Variants in TSHZ3 observed in about 807,000 individuals in gnomAD.
The protein encoded by TSHZ3 is teashirt zinc finger homeobox 3.
A neutral mutation model predicts 64.5 loss-of-function variants in TSHZ3; 10 were observed. The observed-to-expected ratio is 0.16, with a 90% CI of 0.10 to 0.26. The LOEUF (loss-of-function observed/expected upper bound fraction) is 0.26, where lower values mean the gene tolerates loss of function less well. Ranked by LOEUF, TSHZ3 falls within the 10% of genes least tolerant of loss-of-function variation. The pLI is 1.00. For synonymous variants in TSHZ3, 608 were observed against 593.1 expected, an observed-to-expected ratio of 1.03 and a Z score of -0.36; for missense variants, 1,242 against 1,421.7, an observed-to-expected ratio of 0.87 and a Z score of 2.03.
rs1976301625 is a variant in TSHZ3, at chr19:31,278,713, G to A, written c.1080C>T (p.Ile360=). Residue 360 remains isoleucine, a synonymous_variant, in exon 2 of 2, where the codon ATC becomes ATT. Transcript: ENST00000240587. This position sits in a 1 kb window ranked among gnomAD's most constrained non-coding sequence, Gnocchi z 4.7. ...GGTGGCCGTACCGATTATTTGGCGTGATGTAAGGGTTGGAGTTCTTCTGAA... is the reference window on the plus strand; with the variant it reads ...GGTGGCCGTACCGATTATTTGGCGTAATGTAAGGGTTGGAGTTCTTCTGAA... The part of the protein sequence containing the change: ...DALQKNSNPY[I]TPNNRYGHQN... The A allele has an allele frequency of 1.2e-6, 2 of 1,614,034 alleles. No individual in the cohort carries two copies. The highest frequency in any genetic ancestry group is 1.7e-6 in the Non-Finnish European group (2 of 1,180,044).
chr19:31,152,840 C>G (rs1189870074), intron 6 of TSHZ3, among the ~76,000 whole-genome samples: 3 of 152,294 alleles, frequency 2.0e-5, no homozygotes, highest in African/African-American at 7.2e-5. Context: ...GGCACCATCA[C>G]CAGACCCATG....
intron 5 of TSHZ3, among the ~76,000 whole-genome samples, chr19:31,193,910 C>T (rs953318031): frequency 6.6e-6 from 1 of 152,100 alleles, no homozygotes; most frequent in Non-Finnish European, 1.5e-5. Flanking sequence ...TTTTCTGGTT[C>T]AATGAGGAGC....
intron 1 of TSHZ3, among the ~76,000 whole-genome samples, chr19:31,261,130 G>A (rs1409114604): frequency 3.9e-5 from 6 of 152,284 alleles, no homozygotes; most frequent in Middle Eastern, 3.4e-3. Flanking sequence ...TACAATGGGT[G>A]CTCAGGGTGC....
chr19:31,220,644 G>A (rs1296826134), intron 4 of TSHZ3, among the ~76,000 whole-genome samples: 2 of 152,060 alleles, frequency 1.3e-5, no homozygotes, highest in Non-Finnish European at 2.9e-5. Context: ...GAGCCTTGGC[G>A]CCCTTTCTAT....
At chr19:31,339,402 C>T (rs1000044791) in intron 1 of TSHZ3, among the ~76,000 whole-genome samples, 1 of 152,052 alleles carries the variant, frequency 6.6e-6, no homozygotes, top group Admixed American at 6.5e-5. Context: ...GAAGCAGGCT[C>T]TACCCCCTTC....
At chr19:31,184,413 T>C (rs904726468) in intron 5 of TSHZ3, among the ~76,000 whole-genome samples, 1 of 152,134 alleles carries the variant, frequency 6.6e-6, no homozygotes, top group African/African-American at 2.4e-5. Context: ...GAAACATTTA[T>C]GGAGAGAGGC....
intron 1 of TSHZ3, among the ~76,000 whole-genome samples, chr19:31,255,661 G>A (rs560434140): frequency 4.6e-5 from 7 of 152,222 alleles, no homozygotes; most frequent in Admixed American, 1.3e-4. Context: ...CAAGCACCCC[G>A]GGGTTTCTGG....
At chr19:31,156,498 T>C (rs575706495) in intron 5 of TSHZ3, among the ~76,000 whole-genome samples, 40 of 152,340 alleles carry the variant, frequency 2.6e-4, no homozygotes, top group African/African-American at 9.6e-4. Flanking sequence ...CAGGAGCAGA[T>C]ATCAGCCACC....
chr19:31,341,637 ACAC>A (rs1174504700), intron 1 of TSHZ3, among the ~76,000 whole-genome samples: 9 of 86,212 alleles, frequency 1.0e-4, no homozygotes, highest in African/African-American at 8.0e-4. Context: ...TCTGACACAC[ACAC>A]ACACACACAC....
intron 1 of TSHZ3, among the ~76,000 whole-genome samples, chr19:31,348,016 A>G (rs1448308213): frequency 6.6e-6 from 1 of 152,186 alleles, no homozygotes; most frequent in Non-Finnish European, 1.5e-5. Context: ...AAGTAAAAGA[A>G]AGGAAGAGAA....
At chr19:31,329,919 A>G (rs1038745018) in intron 1 of TSHZ3, among the ~76,000 whole-genome samples, 5 of 152,184 alleles carry the variant, frequency 3.3e-5, no homozygotes, top group African/African-American at 1.2e-4. Context: ...TTTCCACACC[A>G]AGTATGAACC....
chr19:31,220,506 A>T (rs1435706128), intron 4 of TSHZ3, among the ~76,000 whole-genome samples: 1 of 152,106 alleles, frequency 6.6e-6, no homozygotes, highest in Admixed American at 6.5e-5. Context: ...TTTTTATTTC[A>T]TTGGGTTGGG....
At position 31,279,680 on chromosome 19, in the gene TSHZ3, T is replaced by A. The variant is rs536624222; in HGVS notation, c.113A>T (p.Asp38Val). ...EGLDPEEHTA[D>V]GEPSAKYMCP... The stretch of plus-strand genomic sequence containing the variant: ...CATGTACTTGGCCGAGGGCTCTCCA[T>A]CTGCCGTATGCTCCTCTGGGTCTAA... Residue 38 changes from aspartate to valine, a missense_variant, in exon 2 of 2, where the codon GAT (aspartate) becomes GTT (valine). By Grantham distance (152) the Asp-to-Val change is radical. This residue lies in a region of TSHZ3 where 555 missense variants were observed against 704.0 expected (regional missense o/e 0.79). Coordinates refer to ENST00000240587, the MANE Select transcript of TSHZ3 (RefSeq NM_020856.4). This position sits in a 1 kb window ranked among gnomAD's most constrained non-coding sequence, Gnocchi z 6.4. 62 of 1,583,618 alleles carry A rather than the reference T, an allele frequency of 3.9e-5. No homozygotes were observed. The South Asian group carries it at 7.1e-4, about 18-fold the overall frequency.
intron 1 of TSHZ3, among the ~76,000 whole-genome samples, chr19:31,262,875 T>C (rs1975998086): frequency 6.6e-6 from 1 of 152,190 alleles, no homozygotes; most frequent in Non-Finnish European, 1.5e-5. Context: ...CAAATTAAAA[T>C]ACATAAAATG....
At chr19:31,212,577 C>T (rs901700376) in intron 4 of TSHZ3, among the ~76,000 whole-genome samples, 1 of 152,122 alleles carries the variant, frequency 6.6e-6, no homozygotes, top group Non-Finnish European at 1.5e-5. Flanking sequence ...TAGACAAAAT[C>T]GAGAACACTG....
intron 4 of TSHZ3, among the ~76,000 whole-genome samples, chr19:31,218,752 C>T (rs1975363571): frequency 6.6e-6 from 1 of 152,264 alleles, no homozygotes; most frequent in Middle Eastern, 3.4e-3. Flanking sequence ...TAAAAAAGGC[C>T]TGGAGAAAAC....
chr19:31,178,007 G>C (rs1974639237), intron 5 of TSHZ3, among the ~76,000 whole-genome samples: 1 of 152,162 alleles, frequency 6.6e-6, no homozygotes, highest in Admixed American at 6.5e-5. Flanking sequence ...TGCAAGTGTA[G>C]ACAATGGAGG....
intron 1 of TSHZ3, among the ~76,000 whole-genome samples, chr19:31,250,275 A>G (rs1172932510): frequency 1.3e-5 from 2 of 152,190 alleles, no homozygotes; most frequent in African/African-American, 2.4e-5. Flanking sequence ...CGTTGCAAAA[A>G]TTTTCCCTGA....
Position 31,278,652 on chromosome 19 carries a change from G to A in TSHZ3, c.1141C>T (p.Arg381Trp), listed in dbSNP as rs1568367246. Reference protein sequence around the residue: ...GASYAWHFEARKSQILKCMEC... With the variant: ...GASYAWHFEAWKSQILKCMEC... Reference sequence around the variant, plus strand: ...ATGCACTTCAGGATCTGCGACTTCCGGGCCTCAAAGTGCCATGCATAGCTG... The same window carrying A: ...ATGCACTTCAGGATCTGCGACTTCCAGGCCTCAAAGTGCCATGCATAGCTG... The change falls in exon 2 of 2, where the codon CGG (arginine) becomes TGG (tryptophan). Residue 381 changes from arginine (R) to tryptophan (W), a missense_variant. Arg to Trp is a moderately radical substitution (Grantham distance 101, BLOSUM62 -3). Coordinates refer to ENST00000240587, the MANE Select transcript of TSHZ3 (RefSeq NM_020856.4). The surrounding 1 kb of genome is among the most constrained non-coding windows in gnomAD (Gnocchi z 4.7). The A allele has an allele frequency of 3.1e-6, 5 of 1,614,090 alleles. No individual in the cohort carries two copies. The highest frequency in any genetic ancestry group is 4.2e-6 in the Non-Finnish European group (5 of 1,179,988).
Sources: gnomAD v4.1 joint callset for allele counts (sites outside exome capture counted in the v4.1 genomes callset) on GRCh38, gnomAD v4.1.1 for gene constraint, gnomAD v4.1.1 regional missense constraint, Gnocchi (gnomAD v3.1) non-coding constraint, MANE v1.5 for transcripts, NCBI Gene and HGNC (gene_info 2026-07-23, HGNC 2026-07-21) for gene names.